Variants in DNHD1 observed in about 807,000 individuals in gnomAD.
The protein encoded by DNHD1 is dynein heavy chain domain 1, also known as dynein heavy chain domain-containing protein 1.
DNHD1 carries 383 observed loss-of-function variants against 458.1 expected under a neutral mutation model. The observed-to-expected ratio is 0.84, with a 90% confidence interval of 0.77 to 0.91. The LOEUF (loss-of-function observed/expected upper bound fraction) is 0.91. Ranked by LOEUF, DNHD1 falls within the 40% of genes least tolerant of loss-of-function variation. The probability of loss-of-function intolerance (pLI) is 0.00; values close to 1 mark genes in which losing one functional copy is unlikely to be tolerated. For synonymous variants in DNHD1, 2,203 were observed against 2,376.9 expected (o/e 0.93, Z 2.13); for missense variants, 5,336 against 5,866.1 (o/e 0.91, Z 2.95).
intron 10 of DNHD1, among the ~76,000 whole-genome samples, chr11:6,522,286 A>G (rs1852619226): frequency 1.3e-5 from 2 of 151,856 alleles, no homozygotes; most frequent in African/African-American, 4.8e-5. Context: ...CCCCTTCTGT[A>G]GGTTGTCTGT....
rs747961418 is a variant in DNHD1, at chr11:6,571,135, G to A, written c.13623G>A (p.Ala4541=). 5 of 1,600,550 alleles carry A rather than the reference G, an allele frequency of 3.1e-6. No homozygotes were observed. Among genetic ancestry groups the A allele is most frequent in the Non-Finnish European group, 4.3e-6 (5 of 1,175,280 alleles). Residue 4541 remains alanine (A), a synonymous_variant, in exon 42 of 43, where the codon GCG becomes GCA. Coordinates refer to ENST00000254579, the MANE Select transcript of DNHD1 (RefSeq NM_144666.3). This position sits in a 1 kb window ranked among gnomAD's most constrained non-coding sequence, Gnocchi z 5.0. Reference sequence around the variant, plus strand: ...TACCCTTGCCTTGGCGACCTCATGCGCCGGCCGGTCCGCAGCCGCCCTGGC... The same window carrying A: ...TACCCTTGCCTTGGCGACCTCATGCACCGGCCGGTCCGCAGCCGCCCTGGC... The part of the protein sequence containing the change: ...GRLPLPWRPH[A]PAGPQPPWHW...
chr11:6,570,109 C>A lies in DNHD1; in HGVS notation c.12955+9C>A. On this transcript the variant is annotated intron_variant, in intron 40 of 42. Coordinates refer to ENST00000254579, the MANE Select transcript of DNHD1 (RefSeq NM_144666.3). ...CATGCAAGAGCTGGCTGGTGAGACC[C>A]TTCCTCTCCCCCTTGGAGTCATCAG... The A allele has an allele frequency of 2.5e-6, 4 of 1,613,836 alleles. No individual in the cohort carries two copies. Among genetic ancestry groups the A allele is most frequent in the Non-Finnish European group, 3.4e-6 (4 of 1,179,780 alleles).
intron 8 of DNHD1, 42 bp downstream of exon 8, chr11:6,519,896 A>G (rs1382963989): frequency 6.2e-7 from 1 of 1,613,044 alleles, no homozygotes; most frequent in Admixed American, 1.7e-5. Context: ...CAGGCAGTCC[A>G]GGGCCAGATG....
At chr11:6,509,417 G>T in intron 6 of DNHD1, 145 bp downstream of exon 6, 1 of 685,970 alleles carries the variant, frequency 1.5e-6, no homozygotes, top group East Asian at 2.7e-5. Context: ...TGAACATTTT[G>T]TTGCATATCT....
At position 6,548,207 on chromosome 11, in the gene DNHD1, C is replaced by G; in HGVS notation, c.6906-3C>G. On this transcript the variant is annotated splice_region_variant and splice_polypyrimidine_tract_variant and intron_variant, in intron 22 of 42. Coordinates refer to ENST00000254579, the MANE Select transcript of DNHD1 (RefSeq NM_144666.3). The surrounding 1 kb of genome is among the most constrained non-coding windows in gnomAD (Gnocchi z 4.4). Reference sequence around the variant, plus strand: ...GCTTTTGCCTGTGTGTCCATCTGAGCAGGTTCTGGCCCATCTTTGATACCT... The same window carrying G: ...GCTTTTGCCTGTGTGTCCATCTGAGGAGGTTCTGGCCCATCTTTGATACCT... 1 of 1,551,354 alleles carries G rather than the reference C, an allele frequency of 6.4e-7. No homozygotes were observed. Among genetic ancestry groups the G allele is most frequent in the Non-Finnish European group, 8.7e-7 (1 of 1,146,736 alleles).
intron 3 of DNHD1, among the ~76,000 whole-genome samples, chr11:6,502,503 G>A (rs769823272): frequency 6.6e-6 from 1 of 152,182 alleles, no homozygotes; most frequent in African/African-American, 2.4e-5. Flanking sequence ...TTGTTTATCA[G>A]AAAGGGAGAG....
At chr11:6,517,392 G>C (rs1178107164) in intron 7 of DNHD1, among the ~76,000 whole-genome samples, 2 of 152,124 alleles carry the variant, frequency 1.3e-5, no homozygotes, top group African/African-American at 2.4e-5. Context: ...AATGAAATCA[G>C]TATCTCAAAG....
Position 6,505,350 on chromosome 11 carries a change from T to C in DNHD1, c.920+2424T>C, listed in dbSNP as rs1767939455. 1.3e-5 allele frequency among the ~76,000 whole-genome samples: 2 copies of C among 152,150 alleles called. No individual in the cohort carries two copies. Among genetic ancestry groups the C allele is most frequent in the South Asian group, 2.1e-4 (1 of 4,824 alleles). ...ATCTCCGCATCTCCGCCTCCCAGGTTCAAGCGATTCTCCTGCCACAGCCTC... is the reference window on the plus strand; with the variant it reads ...ATCTCCGCATCTCCGCCTCCCAGGTCCAAGCGATTCTCCTGCCACAGCCTC... On this transcript the variant is annotated intron_variant, in intron 4 of 42. Coordinates refer to ENST00000254579, the MANE Select transcript of DNHD1 (RefSeq NM_144666.3). The surrounding 1 kb of genome is among the most constrained non-coding windows in gnomAD (Gnocchi z 4.4).
chr11:6,527,582 A>T (rs1852736349), intron 10 of DNHD1, among the ~76,000 whole-genome samples: 1 of 152,210 alleles, frequency 6.6e-6, no homozygotes, highest in African/African-American at 2.4e-5. Flanking sequence ...AGACATCCAG[A>T]TAGAGAAGTG....
rs1190031618 is a variant in DNHD1 at position 6,545,267 on chromosome 11, A to C, written c.4328A>C (p.Asp1443Ala). Residue 1443 changes from aspartate (D) to alanine (A), a missense_variant, in exon 21 of 43, where the codon GAT becomes GCT. Asp to Ala is a moderately radical substitution (Grantham distance 126). Around this residue, in one of 4 missense-constraint regions of DNHD1, gnomAD observed 3,932 missense variants for 4,365.6 expected, o/e 0.90. Coordinates refer to ENST00000254579, the MANE Select transcript of DNHD1 (RefSeq NM_144666.3). The surrounding 1 kb of genome is among the most constrained non-coding windows in gnomAD (Gnocchi z 4.9). Reference protein sequence around the residue: ...KLQGPLPLHPDLPKWLASLEK... With the variant: ...KLQGPLPLHPALPKWLASLEK... ...CAGGGTCCCCTTCCTCTGCATCCAG[A>C]TCTCCCTAAGTGGCTGGCCTCTCTG... 2.6e-6 allele frequency: 4 copies of C among 1,551,664 alleles called. No individual in the cohort carries two copies. The highest frequency in any genetic ancestry group is 1.7e-4 in the Middle Eastern group (1 of 5,994).
intron 10 of DNHD1, among the ~76,000 whole-genome samples, chr11:6,522,990 A>G (rs72897897): frequency 0.013 from 1,960 of 152,324 alleles, 28 homozygotes; most frequent in Non-Finnish European, 0.021. Context: ...TGATGTCCTT[A>G]CAATTTTATC....
Position 6,498,523 on chromosome 11 carries a change from AT to A in DNHD1, c.311del (p.Leu104CysfsTer24), listed in dbSNP as rs1852077903. The part of the protein sequence containing the change: ...PYRELLVGHL[D>X]LLPFLEQLYC... ...CGTGAGTTGCTAGTTGGCCACCTTG[AT>A]TTGCTGCCCTTCCTGGAGCAGCTGT... On this transcript the variant is annotated frameshift_variant, in exon 3 of 43. Transcript: ENST00000254579. LOFTEE classifies it high-confidence loss of function. The A allele has an allele frequency of 6.2e-7, 1 of 1,614,064 alleles. No individual in the cohort carries two copies. The highest frequency in any genetic ancestry group is 8.5e-7 in the Non-Finnish European group (1 of 1,180,004).
chr11:6,510,990 G>A (rs1852326051), intron 6 of DNHD1, among the ~76,000 whole-genome samples: 1 of 152,056 alleles, frequency 6.6e-6, no homozygotes, highest in African/African-American at 2.4e-5. Context: ...TCAGACCTTG[G>A]TATCTATTTG....
chr11:6,504,873 C>T (rs1852199193), intron 4 of DNHD1, among the ~76,000 whole-genome samples: 1 of 152,134 alleles, frequency 6.6e-6, no homozygotes, highest in African/African-American at 2.4e-5. Flanking sequence ...CTCTGTTGCC[C>T]CAGCTGGAGT....
At chr11:6,502,183 C>G (rs1852150919) in intron 3 of DNHD1, among the ~76,000 whole-genome samples, 1 of 152,084 alleles carries the variant, frequency 6.6e-6, no homozygotes, top group Admixed American at 6.5e-5. Flanking sequence ...TGTATTGGTG[C>G]AGGCTTGAGG....
rs1340718119 is a variant in DNHD1 at position 6,533,186 on chromosome 11, T to C, written c.2505+2T>C. On this transcript the variant is annotated splice_donor_variant, in intron 13 of 42. Coordinates refer to ENST00000254579, the MANE Select transcript of DNHD1 (RefSeq NM_144666.3). LOFTEE classifies it high-confidence loss of function. ...GCCATTGCACAGTGCACCCAGAAGG[T>C]GGGCTCTCCCCATCCATCCTTCCCA... 6.4e-7 allele frequency: 1 copy of C among 1,551,206 alleles called. No individual in the cohort carries two copies. Among genetic ancestry groups the C allele is most frequent in the South Asian group, 1.2e-5 (1 of 84,032 alleles).
chr11:6,541,843 T>C (rs1031541389), intron 18 of DNHD1, among the ~76,000 whole-genome samples: 5 of 152,130 alleles, frequency 3.3e-5, no homozygotes, highest in Non-Finnish European at 1.5e-5. Context: ...TGAAAAATAA[T>C]AGTGGTCTAG....
chr11:6,512,211 C>CTTTCTTTTTT (rs1185966042), intron 7 of DNHD1, among the ~76,000 whole-genome samples: 1 of 91,622 alleles, frequency 1.1e-5, no homozygotes, highest in African/African-American at 4.7e-5. Context: ...CTTTTTCTTT[C>CTTTCTTTTTT]TTTTTTTTTT....
Position 6,548,006 on chromosome 11 carries a change from T to G in DNHD1, c.6871T>G (p.Leu2291Val), listed in dbSNP as rs1162981423. The G allele has an allele frequency of 1.9e-6, 3 of 1,551,718 alleles. No homozygotes were observed. Among genetic ancestry groups the G allele is most frequent in the Non-Finnish European group, 2.6e-6 (3 of 1,146,998 alleles). The change falls in exon 22 of 43, where the codon TTG (leucine) becomes GTG (valine). Residue 2291 changes from leucine to valine, a missense_variant. By Grantham distance (32) the Leu-to-Val change is conservative. Around this residue, in one of 4 missense-constraint regions of DNHD1, gnomAD observed 3,932 missense variants for 4,365.6 expected, o/e 0.90. Coordinates refer to ENST00000254579, the MANE Select transcript of DNHD1 (RefSeq NM_144666.3). This position sits in a 1 kb window ranked among gnomAD's most constrained non-coding sequence, Gnocchi z 4.4. The part of the protein sequence containing the change: ...LLAVSSFLFA[L>V]IWGFGAHLPS... ...GGCTGTCAGCAGTTTTCTTTTTGCCTTGATCTGGGGCTTTGGAGCCCACCT... is the reference window on the plus strand; with the variant it reads ...GGCTGTCAGCAGTTTTCTTTTTGCCGTGATCTGGGGCTTTGGAGCCCACCT...
Sources: gnomAD v4.1 joint callset for allele counts (sites outside exome capture counted in the v4.1 genomes callset) on GRCh38, gnomAD v4.1.1 for gene constraint, gnomAD v4.1.1 regional missense constraint, Gnocchi (gnomAD v3.1) non-coding constraint, MANE v1.5 for transcripts, NCBI Gene and HGNC (gene_info 2026-07-23, HGNC 2026-07-21) for gene names.